The following CBLB variants were observed in gnomAD, a reference collection of about 807,000 sequenced individuals.
The protein encoded by CBLB is Cbl proto-oncogene B.
In CBLB, 31 loss-of-function variants were observed where a neutral mutation model predicts 104.9. That is an observed-to-expected ratio of 0.30 (90% CI 0.22 to 0.40). CBLB has a LOEUF of 0.40. Ranked by LOEUF, CBLB falls within the 10% of genes least tolerant of loss-of-function variation. The probability of loss-of-function intolerance (pLI) is 1.00; values close to 1 mark genes in which losing one functional copy is unlikely to be tolerated. For missense variants in CBLB, 1,062 were observed against 1,214.6 expected (o/e 0.87, Z 1.87); for synonymous variants, 440 against 422.6 (o/e 1.04, Z -0.51).
At position 105,681,486 on chromosome 3, in the gene CBLB, A is replaced by G. The variant is rs1449872121; in HGVS notation, c.2421T>C (p.Pro807=). The change falls in exon 16 of 19, where the codon CCT becomes CCC. Residue 807 remains proline (P), a synonymous_variant. Transcript: ENST00000394030. The part of the protein sequence containing the change: ...RTPSDYDLLI[P]PLGEDAFDAL... The stretch of plus-strand genomic sequence containing the variant: ...TTTTTTAAAGGTTTCAACCTAATGG[A>G]GGGATGAGAAGATCATAATCAGAGG... 1 of 1,614,096 alleles carries G rather than the reference A, an allele frequency of 6.2e-7. No homozygotes were observed. Among genetic ancestry groups the G allele is most frequent in the Middle Eastern group, 1.6e-4 (1 of 6,062 alleles).
At chr3:105,713,934 C>T (rs1243996672) in intron 10 of CBLB, among the ~76,000 whole-genome samples, 1 of 152,136 alleles carries the variant, frequency 6.6e-6, no homozygotes, top group African/African-American at 2.4e-5. Context: ...ATTTGCCATC[C>T]TTTAGTCATT....
rs1008058345 is a variant in CBLB at position 105,846,670 on chromosome 3, G to A, written c.419+6744C>T. The stretch of plus-strand genomic sequence containing the variant: ...ACAAAGAACACTGGGAGAAGAAATG[G>A]CATCAGAGCATGAGATTTCCTGGCT... On this transcript the variant is annotated intron_variant, in intron 3 of 18. Transcript: ENST00000394030. Among the ~76,000 whole-genome samples, 3 of 152,076 alleles carry A rather than the reference G, an allele frequency of 2.0e-5. No homozygotes were observed. The East Asian group carries it at 5.8e-4, about 29-fold the overall frequency.
intron 12 of CBLB, among the ~76,000 whole-genome samples, chr3:105,696,969 C>T (rs1006568988): frequency 1.3e-5 from 2 of 152,020 alleles, no homozygotes; most frequent in South Asian, 2.1e-4. Flanking sequence ...TAGCCAGTGA[C>T]CCTCTTGCAT....
chr3:105,803,274 T>C (rs995909792), intron 3 of CBLB, among the ~76,000 whole-genome samples: 12 of 152,248 alleles, frequency 7.9e-5, no homozygotes, highest in Non-Finnish European at 1.6e-4. Context: ...TTAGGCTTAG[T>C]ATTTTAGAAG....
Position 105,829,946 on chromosome 3 carries a change from TAGTC to T in CBLB, c.419+23464_419+23467del, listed in dbSNP as rs529789876. Among the ~76,000 whole-genome samples, 504 of 152,266 alleles carry T rather than the reference TAGTC, an allele frequency of 3.3e-3. 2 individuals carry two copies. Among genetic ancestry groups the T allele is most frequent in the African/African-American group, 0.011 (473 of 41,552 alleles). On this transcript the variant is annotated intron_variant, in intron 3 of 18. Coordinates refer to ENST00000394030, the MANE Select transcript of CBLB (RefSeq NM_170662.5). ...GGGGATATCTCATTTCATATGTAAT[TAGTC>T]AGCACATGTATAAACCCAAGGATCC... is the stretch of plus-strand genomic sequence containing the variant.
At chr3:105,780,663 T>TG (rs2080115799) in intron 3 of CBLB, among the ~76,000 whole-genome samples, 6 of 117,698 alleles carry the variant, frequency 5.1e-5, no homozygotes, top group African/African-American at 1.3e-4. Flanking sequence ...GTTTTTTGTT[T>TG]TTTTTTTTTT....
At chr3:105,734,804 T>C (rs2074724909) in intron 8 of CBLB, among the ~76,000 whole-genome samples, 1 of 152,222 alleles carries the variant, frequency 6.6e-6, no homozygotes, top group Non-Finnish European at 1.5e-5. Context: ...TCCCTAACAC[T>C]GTCAAGAAAA....
At chr3:105,714,840 G>T (rs2071622970) in intron 10 of CBLB, among the ~76,000 whole-genome samples, 1 of 152,178 alleles carries the variant, frequency 6.6e-6, no homozygotes, top group Non-Finnish European at 1.5e-5. Context: ...TATTTTAATT[G>T]AAGAAGGCAA....
At chr3:105,679,159 A>G (rs932546002) in intron 16 of CBLB, among the ~76,000 whole-genome samples, 2 of 152,094 alleles carry the variant, frequency 1.3e-5, no homozygotes, top group Non-Finnish European at 2.9e-5. Flanking sequence ...TCAATTTGTC[A>G]GATTTAGCTA....
chr3:105,724,880 G>T (rs946375050), intron 9 of CBLB, among the ~76,000 whole-genome samples: 1 of 152,038 alleles, frequency 6.6e-6, no homozygotes, highest in Non-Finnish European at 1.5e-5. Context: ...AGAAAAAGGG[G>T]TTTACTAGTT....
At chr3:105,786,539 T>TC (rs2081050720) in intron 3 of CBLB, among the ~76,000 whole-genome samples, 1 of 152,192 alleles carries the variant, frequency 6.6e-6, no homozygotes, top group South Asian at 2.1e-4. Flanking sequence ...AAAGTGTTAG[T>TC]CCTTCCCCCA....
At chr3:105,707,473 GTAGA>G (rs2070339613) in intron 10 of CBLB, among the ~76,000 whole-genome samples, 1 of 151,966 alleles carries the variant, frequency 6.6e-6, no homozygotes, top group African/African-American at 2.4e-5. Context: ...CTACCTAAGA[GTAGA>G]TAATTTAACA....
intron 3 of CBLB, among the ~76,000 whole-genome samples, chr3:105,805,758 A>G (rs1434556359): frequency 6.6e-6 from 1 of 152,158 alleles, no homozygotes; most frequent in Non-Finnish European, 1.5e-5. Flanking sequence ...AACTATCTCC[A>G]GTCCCCGAAA....
chr3:105,713,968 A>G (rs2071479248), intron 10 of CBLB, among the ~76,000 whole-genome samples: 2 of 152,174 alleles, frequency 1.3e-5, no homozygotes, highest in South Asian at 4.1e-4. Flanking sequence ...GTGTCCCCAT[A>G]TATTACTGAA....
chr3:105,681,903 CTGTT>C (rs750055232), intron 14 of CBLB, 85 bp from the exon 15 acceptor site: 491 of 794,136 alleles, frequency 6.2e-4, no homozygotes, highest in Non-Finnish European at 9.8e-4. Context: ...ACTAGTATTC[CTGTT>C]TATTTAATAA....
At chr3:105,806,550 G>C (rs1169135791) in intron 3 of CBLB, among the ~76,000 whole-genome samples, 2 of 149,264 alleles carry the variant, frequency 1.3e-5, no homozygotes, top group Non-Finnish European at 3.0e-5. Flanking sequence ...CTTTTTAAAG[G>C]TCACAAAGAT....
rs1299225778 is a variant in CBLB, at chr3:105,660,958, GTCT to G, written c.2690-1732_2690-1730del. On this transcript the variant is annotated intron_variant, in intron 18 of 18. Transcript: ENST00000394030. The stretch of plus-strand genomic sequence containing the variant: ...CATTTGTTTCCACATCAAATAGGAT[GTCT>G]TCTTCTTTTTTTTTTTTTTTTAAAT... Among the ~76,000 whole-genome samples, 40 of 138,954 alleles carry G rather than the reference GTCT, an allele frequency of 2.9e-4. No homozygotes were observed. The East Asian group carries it at 5.5e-3, about 19-fold the overall frequency. The allele number at this position is 138,954 out of a possible 152,430, so 91.2% of individuals were successfully genotyped here.
chr3:105,772,945 G>C (rs2079027911), intron 4 of CBLB, among the ~76,000 whole-genome samples: 1 of 152,154 alleles, frequency 6.6e-6, no homozygotes, highest in East Asian at 1.9e-4. Flanking sequence ...GTGGGAGTAT[G>C]AATTAGTAAC....
intron 6 of CBLB, among the ~76,000 whole-genome samples, chr3:105,741,150 G>T (rs9810989): frequency 5.7e-4 from 64 of 112,442 alleles, no homozygotes; most frequent in South Asian, 5.4e-3. Flanking sequence ...CCCAGGCTTA[G>T]AATTCGATAT....
Sources: gnomAD v4.1 joint callset for allele counts (sites outside exome capture counted in the v4.1 genomes callset) on GRCh38, gnomAD v4.1.1 for gene constraint, MANE v1.5 for transcripts, NCBI Gene and HGNC (gene_info 2026-07-23, HGNC 2026-07-21) for gene names.